Variants in TSGA10 observed in about 807,000 individuals in gnomAD.
TSGA10 encodes testis-specific gene 10 protein.
In TSGA10, 43 loss-of-function variants were observed where a neutral mutation model predicts 96.6. That is an observed-to-expected ratio of 0.44 (90% CI 0.35 to 0.57). The LOEUF (loss-of-function observed/expected upper bound fraction) is 0.57. TSGA10 is among the 20% of genes least tolerant of loss of function. TSGA10 has a pLI of 0.01. For synonymous variants in TSGA10, 229 were observed against 269.9 expected, an observed-to-expected ratio of 0.85 and a Z score of 1.48; for missense variants, 703 against 834.4, an observed-to-expected ratio of 0.84 and a Z score of 1.94.
At chr2:99,141,152 C>G (rs763233962) in intron 1 of TSGA10, 1 of 1,269,870 alleles carries the variant, frequency 7.9e-7, no homozygotes, top group Non-Finnish European at 1.0e-6. Context: ...CCGCGACTGT[C>G]AGCTCTCGGC....
chr2:99,044,236 A>G (rs760867025), intron 16 of TSGA10, among the ~76,000 whole-genome samples: 2 of 152,028 alleles, frequency 1.3e-5, no homozygotes, highest in Admixed American at 6.6e-5. Context: ...AGACTGGCAA[A>G]TTGGATAGTC....
chr2:99,033,975 C>T lies in TSGA10; in HGVS notation c.1614+1255G>A, dbSNP rs190138244. On this transcript the variant is annotated intron_variant, in intron 17 of 20. Coordinates refer to ENST00000393483, the MANE Select transcript of TSGA10 (RefSeq NM_025244.4). ...CTTTCTCCCAGTTGGTGTATGATCACCTAGCTCAGCTTTCAAAAGAGTTTG... is the reference window on the plus strand; with the variant it reads ...CTTTCTCCCAGTTGGTGTATGATCATCTAGCTCAGCTTTCAAAAGAGTTTG... Among the ~76,000 whole-genome samples the T allele has an allele frequency of 4.6e-5, 7 of 152,222 alleles. No homozygotes were observed. The East Asian group carries it at 7.7e-4, about 17-fold the overall frequency.
intron 1 of TSGA10, among the ~76,000 whole-genome samples, chr2:99,134,589 C>T (rs2093246285): frequency 6.6e-6 from 1 of 152,104 alleles, no homozygotes; most frequent in African/African-American, 2.4e-5. Flanking sequence ...GTCAATTTGT[C>T]AAACTCATTC....
At chr2:99,038,228 T>C (rs1319602396) in intron 16 of TSGA10, among the ~76,000 whole-genome samples, 1 of 151,990 alleles carries the variant, frequency 6.6e-6, no homozygotes, top group Non-Finnish European at 1.5e-5. Flanking sequence ...ACAAGGCCTA[T>C]AAAACAATAA....
intron 16 of TSGA10, among the ~76,000 whole-genome samples, chr2:99,059,639 G>A (rs1474667815): frequency 7.3e-6 from 1 of 136,756 alleles, no homozygotes; most frequent in Non-Finnish European, 1.6e-5. Context: ...ACTCAGTCTT[G>A]GGGGAAACAC....
intron 17 of TSGA10, among the ~76,000 whole-genome samples, chr2:99,027,538 AATG>A (rs1416348030): frequency 6.6e-6 from 1 of 152,240 alleles, no homozygotes; most frequent in Non-Finnish European, 1.5e-5. Context: ...ATAAAATTTT[AATG>A]ATATCATGCA....
chr2:99,026,760 G>A (rs2080619716), intron 17 of TSGA10, among the ~76,000 whole-genome samples: 1 of 152,128 alleles, frequency 6.6e-6, no homozygotes, highest in South Asian at 2.1e-4. Flanking sequence ...AGAAATAAAG[G>A]AAGTCATACT....
chr2:99,046,578 T>G (rs199528131), intron 16 of TSGA10, among the ~76,000 whole-genome samples: 1 of 152,144 alleles, frequency 6.6e-6, no homozygotes. Context: ...AAGCAGTGTG[T>G]AGAGGGAAAT....
chr2:99,023,970 T>C (rs2080290150), intron 17 of TSGA10, among the ~76,000 whole-genome samples: 1 of 152,250 alleles, frequency 6.6e-6, no homozygotes, highest in Non-Finnish European at 1.5e-5. Context: ...GGATCAGTTT[T>C]GGGAGTAATG....
chr2:99,141,242 C>A (rs2093538098), intron 1 of TSGA10: 1 of 954,810 alleles, frequency 1.0e-6, no homozygotes, highest in South Asian at 1.9e-5. Context: ...ATCGTCCTGG[C>A]CCCGCCCCGG....
intron 12 of TSGA10, 152 bp downstream of exon 12, chr2:99,078,507 T>C (rs987485649): frequency 1.1e-4 from 83 of 754,480 alleles, no homozygotes; most frequent in Non-Finnish European, 2.9e-5. Context: ...TATCTTAAAA[T>C]ATTTCAAAGT....
At chr2:99,004,133 G>A (rs986056523) in intron 20 of TSGA10, among the ~76,000 whole-genome samples, 13 of 151,938 alleles carry the variant, frequency 8.6e-5, no homozygotes, top group Non-Finnish European at 1.5e-4. Context: ...CTGATCCCAC[G>A]GAAATGCAAA....
At chr2:99,021,150 C>T (rs868698419) in intron 17 of TSGA10, among the ~76,000 whole-genome samples, 38 of 151,630 alleles carry the variant, frequency 2.5e-4, no homozygotes, top group Admixed American at 1.2e-3. Flanking sequence ...ATATACATAA[C>T]AAATTCTATA....
At chr2:98,999,453 C>T (rs976497933) in intron 20 of TSGA10, among the ~76,000 whole-genome samples, 1 of 152,072 alleles carries the variant, frequency 6.6e-6, no homozygotes, top group African/African-American at 2.4e-5. Flanking sequence ...AATGTGATGT[C>T]TGTTGTCTAG....
At chr2:99,043,284 C>A (rs535448148) in intron 16 of TSGA10, among the ~76,000 whole-genome samples, 1 of 151,898 alleles carries the variant, frequency 6.6e-6, no homozygotes, top group African/African-American at 2.4e-5. Flanking sequence ...GGATTCTGAA[C>A]TGGCAGAGGA....
At chr2:99,008,546 T>C (rs1203924493) in intron 20 of TSGA10, among the ~76,000 whole-genome samples, 2 of 152,230 alleles carry the variant, frequency 1.3e-5, no homozygotes, top group Admixed American at 1.3e-4. Context: ...GTGTGTTCTA[T>C]TAGTGACGCT....
At chr2:99,062,724 ACT>A (rs2084835856) in intron 16 of TSGA10, among the ~76,000 whole-genome samples, 6 of 152,156 alleles carry the variant, frequency 3.9e-5, no homozygotes, top group Admixed American at 3.3e-4. Flanking sequence ...ACAGAGTGAG[ACT>A]CTGTCTCAAA....
At chr2:99,105,302 G>A (rs1039723565) in intron 9 of TSGA10, 57 bp downstream of exon 9, 3 of 1,410,374 alleles carry the variant, frequency 2.1e-6, no homozygotes, top group Non-Finnish European at 1.9e-6. Context: ...AAGGAGAAAG[G>A]GGAAAGCCAT....
At chr2:99,122,483 T>G (rs1314287313) in intron 2 of TSGA10, among the ~76,000 whole-genome samples, 1 of 151,270 alleles carries the variant, frequency 6.6e-6, no homozygotes, top group Non-Finnish European at 1.5e-5. Context: ...TTTTGTAAAA[T>G]TAAAAAAAAA....
Sources: allele counts gnomAD v4.1 joint callset (sites outside exome capture counted in the v4.1 genomes callset), GRCh38; gene constraint gnomAD v4.1.1; transcripts MANE v1.5; gene names NCBI Gene and HGNC (gene_info 2026-07-23, HGNC 2026-07-21).